The following NCALD variants were observed in gnomAD, a reference collection of about 807,000 sequenced individuals.
NCALD encodes neurocalcin delta.
In NCALD, 10 loss-of-function variants were observed where a neutral mutation model predicts 18.6. That is an observed-to-expected ratio of 0.54 (90% CI 0.33 to 0.91). The LOEUF (loss-of-function observed/expected upper bound fraction) is 0.91, where lower values mean the gene tolerates loss of function less well. Ranked by LOEUF, NCALD falls within the 40% of genes least tolerant of loss-of-function variation. The pLI is 0.03. For synonymous variants in NCALD, 88 were observed against 87.4 expected (o/e 1.01, Z -0.04); for missense variants, 184 against 247.6 (o/e 0.74, Z 1.72).
chr8:102,065,127 A>G (rs1384127762), intron 1 of NCALD, among the ~76,000 whole-genome samples: 2 of 152,110 alleles, frequency 1.3e-5, no homozygotes, highest in African/African-American at 4.8e-5. Flanking sequence ...GGAGTGGAGA[A>G]AGAAGAAAGA....
chr8:101,969,577 C>A (rs899161364), intron 2 of NCALD, among the ~76,000 whole-genome samples: 1 of 152,316 alleles, frequency 6.6e-6, no homozygotes, highest in East Asian at 1.9e-4. Flanking sequence ...CCCAGGTCAT[C>A]TGATTCTCAG....
At chr8:101,727,767 G>C (rs542102137) in intron 1 of NCALD, among the ~76,000 whole-genome samples, 1 of 152,216 alleles carries the variant, frequency 6.6e-6, no homozygotes, top group Non-Finnish European at 1.5e-5. Context: ...AAGGCTCTGC[G>C]TGAGCTGGCC....
chr8:101,896,860 G>T (rs1817200704), intron 3 of NCALD, among the ~76,000 whole-genome samples: 1 of 104,336 alleles, frequency 9.6e-6, no homozygotes, highest in Non-Finnish European at 1.8e-5. Flanking sequence ...AAAAAGTCAG[G>T]AAACAACAGG....
chr8:101,891,646 G>C (rs1472699850), intron 3 of NCALD, among the ~76,000 whole-genome samples: 1 of 152,242 alleles, frequency 6.6e-6, no homozygotes, highest in East Asian at 1.9e-4. Context: ...GCGCAGGCCA[G>C]TGGGTGCGTG....
At chr8:102,075,376 G>T (rs530367238) in intron 1 of NCALD, among the ~76,000 whole-genome samples, 5 of 152,230 alleles carry the variant, frequency 3.3e-5, no homozygotes, top group African/African-American at 1.2e-4. Context: ...AGCTCTCATT[G>T]AAATCTTCTC....
intron 1 of NCALD, among the ~76,000 whole-genome samples, chr8:101,771,900 A>T (rs1431377770): frequency 6.6e-6 from 1 of 152,240 alleles, no homozygotes; most frequent in African/African-American, 2.4e-5. Context: ...CATTCATTCA[A>T]TGAATAATTA....
chr8:101,696,381 G>A (rs1563662946), intron 2 of NCALD, among the ~76,000 whole-genome samples: 1 of 152,240 alleles, frequency 6.6e-6, no homozygotes, highest in African/African-American at 2.4e-5. Context: ...CTTCTGTGAT[G>A]ATATAGTGGG....
chr8:101,882,784 C>G (rs1816536911), intron 4 of NCALD, among the ~76,000 whole-genome samples: 1 of 152,232 alleles, frequency 6.6e-6, no homozygotes, highest in African/African-American at 2.4e-5. Context: ...CAGTAATACT[C>G]TCTATGTAGC....
At chr8:101,767,083 C>T (rs1469827897) in intron 1 of NCALD, among the ~76,000 whole-genome samples, 1 of 152,162 alleles carries the variant, frequency 6.6e-6, no homozygotes, top group Non-Finnish European at 1.5e-5. Context: ...GGTACCAGAA[C>T]CTAGAGCTTA....
intron 1 of NCALD, among the ~76,000 whole-genome samples, chr8:101,765,587 T>C (rs1408558999): frequency 2.0e-5 from 3 of 152,226 alleles, no homozygotes; most frequent in Non-Finnish European, 1.5e-5. Flanking sequence ...GAATAAGATT[T>C]GATTATCTAG....
At chr8:101,951,906 G>T (rs1819439092) in intron 2 of NCALD, among the ~76,000 whole-genome samples, 1 of 152,210 alleles carries the variant, frequency 6.6e-6, no homozygotes, top group South Asian at 2.1e-4. Context: ...GTCCTCTCCA[G>T]AGCATGGAGT....
At position 102,105,264 on chromosome 8, in the gene NCALD, C is replaced by A. The variant is rs568459647; in HGVS notation, c.-210+18973G>T. ...TTAAGTTGAAACTTTGTAAAGATAACAAAAAATGTTTATCACAGTATAAAA... is the reference window on the plus strand; with the variant it reads ...TTAAGTTGAAACTTTGTAAAGATAAAAAAAAATGTTTATCACAGTATAAAA... On this transcript the variant is annotated intron_variant, in intron 1 of 6. Transcript: ENST00000311028. Among the ~76,000 whole-genome samples, 356 of 152,080 alleles carry A rather than the reference C, an allele frequency of 2.3e-3. 3 individuals carry two copies. Among genetic ancestry groups the A allele is most frequent in the African/African-American group, 7.7e-3 (320 of 41,482 alleles).
intron 2 of NCALD, among the ~76,000 whole-genome samples, chr8:101,715,696 A>G (rs1031447317): frequency 5.3e-5 from 8 of 152,210 alleles, no homozygotes; most frequent in African/African-American, 1.9e-4. Flanking sequence ...ATTTATGTGG[A>G]AAAACAAAAC....
chr8:101,785,189 G>T (rs1812175081), intron 1 of NCALD, among the ~76,000 whole-genome samples: 1 of 152,128 alleles, frequency 6.6e-6, no homozygotes, highest in Non-Finnish European at 1.5e-5. Context: ...ACTTTGAAAA[G>T]AACTTTGAAG....
intron 4 of NCALD, among the ~76,000 whole-genome samples, chr8:101,861,508 C>A (rs748622455): frequency 7.3e-5 from 11 of 150,730 alleles, no homozygotes; most frequent in Non-Finnish European, 5.9e-5. Flanking sequence ...ATAGTTTGAG[C>A]AAACCAAAAT....
At chr8:102,006,447 G>T (rs1452407815) in intron 2 of NCALD, among the ~76,000 whole-genome samples, 1 of 152,096 alleles carries the variant, frequency 6.6e-6, no homozygotes, top group African/African-American at 2.4e-5. Context: ...ACAAATTCTG[G>T]TTATTGTCAC....
At chr8:101,870,742 G>T (rs536195335) in intron 4 of NCALD, among the ~76,000 whole-genome samples, 1 of 152,176 alleles carries the variant, frequency 6.6e-6, no homozygotes, top group South Asian at 2.1e-4. Flanking sequence ...TTTACTGGGG[G>T]CAAAGATCTG....
At chr8:101,967,876 C>G (rs1363336215) in intron 2 of NCALD, among the ~76,000 whole-genome samples, 2 of 152,096 alleles carry the variant, frequency 1.3e-5, no homozygotes, top group Non-Finnish European at 2.9e-5. Flanking sequence ...CATGCACTCA[C>G]CCTCAGTCAT....
intron 1 of NCALD, among the ~76,000 whole-genome samples, chr8:102,036,415 A>C (rs1822867214): frequency 6.6e-6 from 1 of 152,136 alleles, no homozygotes; most frequent in Non-Finnish European, 1.5e-5. Context: ...TATAAAGAAT[A>C]AATGTAAACT....
Sources: allele counts gnomAD v4.1 joint callset (sites outside exome capture counted in the v4.1 genomes callset), GRCh38; gene constraint gnomAD v4.1.1; transcripts MANE v1.5; gene names NCBI Gene and HGNC (gene_info 2026-07-23, HGNC 2026-07-21).